IRAG2: variants seen among roughly 807,000 people sequenced by gnomAD.
IRAG2 encodes inositol 1,4,5-triphosphate receptor associated 2, also known as lymphoid restricted membrane protein.
In IRAG2, 45 loss-of-function variants were observed where a neutral mutation model predicts 69.9. The observed-to-expected ratio is 0.64, with a 90% CI of 0.51 to 0.83. IRAG2 has a LOEUF of 0.83. Ranked by LOEUF, IRAG2 falls within the 40% of genes least tolerant of loss-of-function variation. The pLI is 0.00. For missense variants in IRAG2, 520 were observed against 587.0 expected (o/e 0.89, Z 1.18); for synonymous variants, 193 against 202.4 (o/e 0.95, Z 0.40).
upstream of IRAG2, among the ~76,000 whole-genome samples, chr12:25,049,393 A>G (rs1452801221): frequency 6.6e-6 from 1 of 152,160 alleles, no homozygotes; most frequent in African/African-American, 2.4e-5. Flanking sequence ...ATGTTTTTCC[A>G]TTTGTTTGTG....
intron 6 of IRAG2, among the ~76,000 whole-genome samples, chr12:25,072,077 C>A (rs961757386): frequency 1.3e-5 from 2 of 151,946 alleles, no homozygotes; most frequent in Non-Finnish European, 2.9e-5. Context: ...TGGTGGCAGG[C>A]GCCTGTAAAA....
intron 8 of IRAG2, among the ~76,000 whole-genome samples, chr12:25,024,489 A>T (rs1290696511): frequency 1.3e-5 from 2 of 152,250 alleles, no homozygotes; most frequent in Non-Finnish European, 2.9e-5. Context: ...AACAAAATTG[A>T]AGCATTGGAA....
In IRAG2 at chr12:25,069,335, A is replaced by G. The variant is rs111466834; in HGVS notation, c.-58-15A>G. 74,337 of 1,223,224 alleles carry G rather than the reference A, an allele frequency of 0.061. 2,681 individuals are homozygous for G. The highest frequency in any genetic ancestry group is 0.072 in the Non-Finnish European group (59,948 of 832,176). The allele number at this position is 1,223,224 out of a possible 1,614,324, so 75.8% of individuals were successfully genotyped here. On this transcript the variant is annotated splice_polypyrimidine_tract_variant and intron_variant, in intron 5 of 21. Coordinates refer to ENST00000556887, the MANE Select transcript of IRAG2 (RefSeq NM_001366544.2). Reference sequence around the variant, plus strand: ...TTTTTCACCTGTAGTAAATAACTCTACTTCCTACTGCCAGGTGCCCAGGCC... The same window carrying G: ...TTTTTCACCTGTAGTAAATAACTCTGCTTCCTACTGCCAGGTGCCCAGGCC...
exon 2 of IRAG2, chr12:25,005,343 T>C: frequency 8.2e-7 from 1 of 1,221,930 alleles, no homozygotes; most frequent in Non-Finnish European, 1.0e-6. Context: ...GCATGTGACA[T>C]CAAACGGAAA....
At chr12:25,079,830 A>G in intron 9 of IRAG2, 67 bp downstream of exon 9, 1 of 961,986 alleles carries the variant, frequency 1.0e-6, no homozygotes, top group Non-Finnish European at 1.7e-6. Context: ...TAAGCTAGTG[A>G]AGTAACTATC....
chr12:25,058,668 A>T (rs967711001), intron 1 of IRAG2, among the ~76,000 whole-genome samples: 2 of 152,216 alleles, frequency 1.3e-5, no homozygotes, highest in African/African-American at 2.4e-5. Flanking sequence ...ACAGGCAATT[A>T]ATTGTGGGGC....
intron 1 of IRAG2, among the ~76,000 whole-genome samples, chr12:25,056,359 A>T (rs1945259600): frequency 6.6e-6 from 1 of 152,210 alleles, no homozygotes; most frequent in South Asian, 2.1e-4. Flanking sequence ...AACAACTCTG[A>T]TAGGATAGGG....
chr12:25,103,634 C>A, intron 17 of IRAG2: 2 of 525,722 alleles, frequency 3.8e-6, no homozygotes, highest in Non-Finnish European at 6.7e-6. Context: ...TTATAATAAT[C>A]CAACATTGAG....
chr12:25,011,387 C>A (rs1944473661), exon 3 of IRAG2: 2 of 1,231,640 alleles, frequency 1.6e-6, no homozygotes, highest in Middle Eastern at 3.1e-4. Flanking sequence ...TCGGAGTGGC[C>A]AAAATAATCA....
At chr12:24,997,730 T>C in the IRAG2 span, 1 of 152,574 alleles carries the variant, frequency 6.6e-6, no homozygotes, top group Non-Finnish European at 1.5e-5. Flanking sequence ...ATGTAGGCTG[T>C]TCTGTTGTGT....
chr12:25,102,119 C>T, intron 16 of IRAG2, 79 bp from the exon 17 acceptor site: 1 of 1,120,828 alleles, frequency 8.9e-7, no homozygotes, highest in Non-Finnish European at 1.3e-6. Context: ...TTTGCTTTAC[C>T]TTTAAAGAAT....
intron 1 of IRAG2, 63 bp downstream of exon 1, chr12:25,053,019 A>G (rs1331254207): frequency 2.5e-6 from 1 of 397,952 alleles, no homozygotes; most frequent in East Asian, 3.6e-5. Flanking sequence ...GCATAGGACT[A>G]CAGACATTTT....
At position 25,015,216 on chromosome 12, in the gene IRAG2, G is replaced by A. The variant is rs146199613; in HGVS notation, c.931G>A (p.Asp311Asn). 8,421 of 1,181,094 alleles carry A rather than the reference G, an allele frequency of 7.1e-3. 50 individuals are homozygous for A. Among genetic ancestry groups the A allele is most frequent in the Non-Finnish European group, 7.8e-3 (7,511 of 963,836 alleles). The allele number at this position is 1,181,094 out of a possible 1,614,324, so 73.2% of individuals were successfully genotyped here. ...GAATCATAGATTAAGCAGCATCATC[G>A]ATGATTCTGTTTGTGAACAGGATGG... Residue 311 changes from aspartate (D) to asparagine (N), a missense_variant, in exon 4 of 39, where the codon GAT becomes AAT. Physicochemically the swap from Asp to Asn is conservative, Grantham distance 23. Coordinates refer to the IRAG2 transcript ENST00000636465.
chr12:25,060,880 C>A (rs1945587068), intron 1 of IRAG2, among the ~76,000 whole-genome samples: 1 of 151,506 alleles, frequency 6.6e-6, no homozygotes, highest in Admixed American at 6.6e-5. Flanking sequence ...GTTGGCCAGG[C>A]TAGTCCCAAA....
chr12:25,021,106 T>A, intron 7 of IRAG2: 1 of 287,340 alleles, frequency 3.5e-6, no homozygotes, highest in East Asian at 5.3e-5. Flanking sequence ...TTTTTTTTTC[T>A]TTTTTTCTTT....
chr12:25,033,482 G>T (rs1351067999), intron 12 of IRAG2, among the ~76,000 whole-genome samples: 1 of 152,204 alleles, frequency 6.6e-6, no homozygotes, highest in African/African-American at 2.4e-5. Context: ...AGGCAAAGGG[G>T]TTACTCTGTT....
At chr12:25,024,318 C>T (rs980321589) in intron 8 of IRAG2, among the ~76,000 whole-genome samples, 1 of 152,100 alleles carries the variant, frequency 6.6e-6, no homozygotes, top group African/African-American at 2.4e-5. Context: ...TTGGAAAAAC[C>T]ATTTATCTTT....
upstream of IRAG2, among the ~76,000 whole-genome samples, chr12:25,048,542 C>A (rs1312426849): frequency 6.6e-6 from 1 of 152,146 alleles, no homozygotes; most frequent in Non-Finnish European, 1.5e-5. Flanking sequence ...AGCAATCCAC[C>A]CGCCTCAGCC....
At chr12:25,009,998 A>C (rs1944462593) in intron 2 of IRAG2, among the ~76,000 whole-genome samples, 1 of 152,200 alleles carries the variant, frequency 6.6e-6, no homozygotes, top group Non-Finnish European at 1.5e-5. Context: ...AAATACCCTC[A>C]GAGAGAGACC....
Sources: allele counts gnomAD v4.1 joint callset (sites outside exome capture counted in the v4.1 genomes callset), GRCh38; gene constraint gnomAD v4.1.1; transcripts MANE v1.5; gene names NCBI Gene and HGNC (gene_info 2026-07-23, HGNC 2026-07-21).